SUCLG2: variants seen among roughly 807,000 people sequenced by gnomAD.
The protein encoded by SUCLG2 is succinate-CoA ligase GDP-forming subunit beta.
Under a neutral mutation model 47.9 loss-of-function variants are expected in SUCLG2, and 42 were observed. That is an observed-to-expected ratio of 0.88 (90% confidence interval 0.69 to 1.14). The LOEUF (loss-of-function observed/expected upper bound fraction) is 1.14. SUCLG2 is among the 50% of genes most tolerant of loss of function. SUCLG2 has a pLI of 0.00. For synonymous variants in SUCLG2, 195 were observed against 197.3 expected (o/e 0.99, Z 0.10); for missense variants, 571 against 525.9 (o/e 1.09, Z -0.84).
chr3:67,543,058 C>G (rs1423908080), intron 2 of SUCLG2, among the ~76,000 whole-genome samples: 1 of 152,184 alleles, frequency 6.6e-6, no homozygotes. Flanking sequence ...AAACTGACCA[C>G]ATAATTGGAA....
At chr3:67,425,402 G>C (rs1187469620) in intron 9 of SUCLG2, among the ~76,000 whole-genome samples, 1 of 152,132 alleles carries the variant, frequency 6.6e-6, no homozygotes, top group Non-Finnish European at 1.5e-5. Context: ...CATTATTTCT[G>C]AGGGTGTCTG....
At chr3:67,552,924 T>C (rs1199141389) in intron 2 of SUCLG2, among the ~76,000 whole-genome samples, 1 of 152,226 alleles carries the variant, frequency 6.6e-6, no homozygotes, top group East Asian at 1.9e-4. Flanking sequence ...TCTGAACACC[T>C]GTTAGGTGAT....
At chr3:67,530,123 T>A (rs1706362019) in intron 2 of SUCLG2, among the ~76,000 whole-genome samples, 1 of 152,176 alleles carries the variant, frequency 6.6e-6, no homozygotes, top group African/African-American at 2.4e-5. Flanking sequence ...TGATCCCCTA[T>A]AAGGCCATGA....
At chr3:67,544,389 T>A (rs1706806879) in intron 2 of SUCLG2, among the ~76,000 whole-genome samples, 1 of 152,094 alleles carries the variant, frequency 6.6e-6, no homozygotes, top group African/African-American at 2.4e-5. Flanking sequence ...CTCATGATAG[T>A]GGGTAAGTTC....
At chr3:67,479,069 T>G (rs556992606) in intron 9 of SUCLG2, among the ~76,000 whole-genome samples, 1 of 152,308 alleles carries the variant, frequency 6.6e-6, no homozygotes, top group African/African-American at 2.4e-5. Context: ...AAGACAGACA[T>G]GAACATCCAA....
chr3:67,531,211 T>C (rs548088641), intron 2 of SUCLG2, among the ~76,000 whole-genome samples: 19 of 152,266 alleles, frequency 1.2e-4, no homozygotes, highest in African/African-American at 3.8e-4. Flanking sequence ...CAGGAAGACA[T>C]TTCCTGTTTT....
At chr3:67,603,396 T>C (rs894819758) in intron 2 of SUCLG2, among the ~76,000 whole-genome samples, 1 of 152,214 alleles carries the variant, frequency 6.6e-6, no homozygotes, top group Admixed American at 6.5e-5. Flanking sequence ...ATACAATTCC[T>C]TAATGGTGTT....
chr3:67,629,922 A>C (rs1700897484), intron 1 of SUCLG2, among the ~76,000 whole-genome samples: 1 of 152,232 alleles, frequency 6.6e-6, no homozygotes, highest in Admixed American at 6.5e-5. Flanking sequence ...ACATGCTAGG[A>C]AAATCAGCTT....
chr3:67,481,040 A>T (rs1244667497), intron 9 of SUCLG2, among the ~76,000 whole-genome samples: 1 of 152,096 alleles, frequency 6.6e-6, no homozygotes, highest in Admixed American at 6.5e-5. Flanking sequence ...TTTTACAAAC[A>T]TATCATCTAC....
At chr3:67,596,289 A>G (rs1217475735) in intron 2 of SUCLG2, among the ~76,000 whole-genome samples, 1 of 152,218 alleles carries the variant, frequency 6.6e-6, no homozygotes, top group Admixed American at 6.5e-5. Context: ...TAAGATGATC[A>G]CAGTTATTAC....
At position 67,646,736 on chromosome 3, in the gene SUCLG2, AC is replaced by A. The variant is rs1326404120; in HGVS notation, c.84+7766del. ...ATGGAGTGCTGAAGGCAAGAGTTAAACCCGGGCAGTCTGATTCCACTCACGG... is the reference window on the plus strand; with the variant it reads ...ATGGAGTGCTGAAGGCAAGAGTTAAACCGGGCAGTCTGATTCCACTCACGG... On this transcript the variant is annotated intron_variant, in intron 1 of 10. Transcript: ENST00000307227. Among the ~76,000 whole-genome samples the A allele has an allele frequency of 2.6e-5, 4 of 152,282 alleles. No homozygotes were observed. The East Asian group carries it at 7.7e-4, about 29-fold the overall frequency.
intron 1 of SUCLG2, among the ~76,000 whole-genome samples, chr3:67,648,519 G>A (rs1701231628): frequency 1.3e-5 from 2 of 152,192 alleles, no homozygotes; most frequent in Non-Finnish European, 2.9e-5. Flanking sequence ...ATCAGCATGA[G>A]GCGGGTGACT....
At chr3:67,491,361 C>T (rs879672565) in intron 9 of SUCLG2, among the ~76,000 whole-genome samples, 20 of 125,804 alleles carry the variant, frequency 1.6e-4, no homozygotes, top group African/African-American at 3.7e-4. Context: ...TTTTCTTTTA[C>T]TTTTTTTTTT....
Position 67,513,031 on chromosome 3 carries a change from T to TATAC in SUCLG2, c.661-4132_661-4129dup, listed in dbSNP as rs956116820. On this transcript the variant is annotated intron_variant, in intron 6 of 10. Coordinates refer to ENST00000307227, the MANE Select transcript of SUCLG2 (RefSeq NM_003848.4). ...TATATAGAGATATTAGAGATCTCTA[T>TATAC]ATACATACATACATAAAATAAAAGA... Among the ~76,000 whole-genome samples the TATAC allele has an allele frequency of 1.1e-4, 17 of 150,894 alleles. 1 individual carries two copies. Among genetic ancestry groups the TATAC allele is most frequent in the African/African-American group, 3.2e-4 (13 of 40,294 alleles).
chr3:67,482,330 C>A (rs1406558738), intron 9 of SUCLG2, among the ~76,000 whole-genome samples: 1 of 152,114 alleles, frequency 6.6e-6, no homozygotes, highest in Non-Finnish European at 1.5e-5. Context: ...CCGTCCTATA[C>A]CTTATTTAAG....
chr3:67,361,695 G>C (rs1701805921), intron 10 of SUCLG2, among the ~76,000 whole-genome samples: 1 of 152,158 alleles, frequency 6.6e-6, no homozygotes, highest in Non-Finnish European at 1.5e-5. Flanking sequence ...ATCCTTTCCT[G>C]TATCCTTGCT....
chr3:67,491,836 T>C (rs1705214973), intron 9 of SUCLG2, among the ~76,000 whole-genome samples: 1 of 152,246 alleles, frequency 6.6e-6, no homozygotes, highest in South Asian at 2.1e-4. Context: ...ATGAAAAGTG[T>C]GCGTGTGTGT....
At chr3:67,549,943 T>TA (rs1364165392) in intron 2 of SUCLG2, among the ~76,000 whole-genome samples, 1 of 152,186 alleles carries the variant, frequency 6.6e-6, no homozygotes, top group African/African-American at 2.4e-5. Context: ...ATAAGCTTAT[T>TA]ACGTATTAGA....
intron 9 of SUCLG2, among the ~76,000 whole-genome samples, chr3:67,407,863 T>C (rs1222663194): frequency 6.6e-6 from 1 of 152,246 alleles, no homozygotes; most frequent in South Asian, 2.1e-4. Context: ...TTGTTGTTTT[T>C]ATTTTCCTGA....
Sources: allele counts gnomAD v4.1 joint callset (sites outside exome capture counted in the v4.1 genomes callset), GRCh38; gene constraint gnomAD v4.1.1; transcripts MANE v1.5; gene names NCBI Gene and HGNC (gene_info 2026-07-23, HGNC 2026-07-21).